FBXO8: variants seen among roughly 807,000 people sequenced by gnomAD.
FBXO8 encodes the protein F-box only protein 8.
A neutral mutation model predicts 33.4 loss-of-function variants in FBXO8; 15 were observed. That is an observed-to-expected ratio of 0.45 (90% CI 0.30 to 0.69). The LOEUF is 0.69. FBXO8 is among the 30% of genes least tolerant of loss of function. The pLI, the probability that FBXO8 is intolerant of heterozygous loss-of-function variation, is 0.08. For missense variants in FBXO8, 274 were observed against 380.3 expected (o/e 0.72, Z 2.32); for synonymous variants, 132 against 131.5 (o/e 1.00, Z -0.02).
In FBXO8 at chr4:174,262,536, T is replaced by A. The variant is rs1736586430; in HGVS notation, c.329+228A>T. 6.6e-6 allele frequency among the ~76,000 whole-genome samples: 1 copy of A among 152,200 alleles called. No individual in the cohort carries two copies. Among genetic ancestry groups the A allele is most frequent in the Admixed American group, 6.5e-5 (1 of 15,282 alleles). ...AACTGACAGAGCCTGATTGGTAACCTCTCTTCTAACTGTAAAGTTATTATT... is the reference window on the plus strand; with the variant it reads ...AACTGACAGAGCCTGATTGGTAACCACTCTTCTAACTGTAAAGTTATTATT... On this transcript the variant is annotated intron_variant, in intron 2 of 5. Coordinates refer to ENST00000393674, the MANE Select transcript of FBXO8 (RefSeq NM_012180.3). The surrounding 1 kb of genome is among the most constrained non-coding windows in gnomAD (Gnocchi z 4.6).
intron 3 of FBXO8, among the ~76,000 whole-genome samples, chr4:174,250,686 T>A (rs1736265334): frequency 6.6e-6 from 1 of 152,162 alleles, no homozygotes; most frequent in Admixed American, 6.6e-5. Context: ...GTTTCCTTCA[T>A]ACTCCCATAT....
At chr4:174,268,764 A>C (rs80307028) in intron 1 of FBXO8, among the ~76,000 whole-genome samples, 4,107 of 152,278 alleles carry the variant, frequency 0.027, 205 homozygotes, top group African/African-American at 0.091. Context: ...TAAAATCACC[A>C]AGAAAAAGCA....
At chr4:174,266,825 T>C (rs1351683103) in intron 1 of FBXO8, among the ~76,000 whole-genome samples, 1 of 152,228 alleles carries the variant, frequency 6.6e-6, no homozygotes, top group Non-Finnish European at 1.5e-5. Flanking sequence ...AGTAAGATAA[T>C]GTACATAAAG....
Position 174,259,638 on chromosome 4 carries a change from A to G in FBXO8, c.456+61T>C. On this transcript the variant is annotated intron_variant, in intron 3 of 5. Coordinates refer to ENST00000393674, the MANE Select transcript of FBXO8 (RefSeq NM_012180.3). The surrounding 1 kb of genome is among the most constrained non-coding windows in gnomAD (Gnocchi z 4.3). The stretch of plus-strand genomic sequence containing the variant: ...TTTCCCTGCTAGTTTATGATATTGG[A>G]AAGCTGCAGCAAGATAGTAATAAAG... The G allele has an allele frequency of 6.4e-7, 1 of 1,558,312 alleles. No homozygotes were observed. Among genetic ancestry groups the G allele is most frequent in the Non-Finnish European group, 8.6e-7 (1 of 1,159,526 alleles).
At chr4:174,266,094 C>T (rs1158911509) in intron 1 of FBXO8, among the ~76,000 whole-genome samples, 1 of 152,130 alleles carries the variant, frequency 6.6e-6, no homozygotes, top group African/African-American at 2.4e-5. Context: ...GCTGTTGCTA[C>T]TCTTAGGCCT....
chr4:174,254,247 T>C lies in FBXO8; in HGVS notation c.456+5452A>G, dbSNP rs749553692. Among the ~76,000 whole-genome samples the C allele has an allele frequency of 6.6e-6, 1 of 152,188 alleles. No homozygotes were observed. The highest frequency in any genetic ancestry group is 1.5e-5 in the Non-Finnish European group (1 of 68,022). ...AATTTCGAGTTTATCTTTCTCTTTC[T>C]TTATGCTATCTGGCATTGTTTGAAG... On this transcript the variant is annotated intron_variant, in intron 3 of 5. Transcript: ENST00000393674. The surrounding 1 kb of genome is among the most constrained non-coding windows in gnomAD (Gnocchi z 4.2).
chr4:174,279,625 C>T (rs1408292062), intron 1 of FBXO8, among the ~76,000 whole-genome samples: 1 of 152,016 alleles, frequency 6.6e-6, no homozygotes, highest in Admixed American at 6.5e-5. Flanking sequence ...GTAACCAAAA[C>T]AGTATGGTAT....
At chr4:174,282,823 TG>T (rs1287766138) in intron 1 of FBXO8, among the ~76,000 whole-genome samples, 2 of 152,200 alleles carry the variant, frequency 1.3e-5, no homozygotes, top group African/African-American at 4.8e-5. Flanking sequence ...ATTAAATGAC[TG>T]AGGATTGGGA....
Position 174,239,126 on chromosome 4 carries a change from G to A in FBXO8, c.640C>T (p.Leu214=). ...NFRNQFLPNA[L]REFFRHIHAP... is the part of the protein sequence containing the mutation. ...TGGATATGACGAAAAAATTCTCTCA[G>A]TGCATTTGGCAAGAACTGATTTCTA... The change falls in exon 5 of 6, where the codon CTG becomes TTG. Residue 214 remains leucine (L), a synonymous_variant. Transcript: ENST00000393674. 6.2e-7 allele frequency: 1 copy of A among 1,601,306 alleles called. No homozygotes were observed. Among genetic ancestry groups the A allele is most frequent in the South Asian group, 1.1e-5 (1 of 89,324 alleles).
Position 174,257,665 on chromosome 4 carries a change from A to G in FBXO8, c.456+2034T>C, listed in dbSNP as rs959976464. On this transcript the variant is annotated intron_variant, in intron 3 of 5. Coordinates refer to ENST00000393674, the MANE Select transcript of FBXO8 (RefSeq NM_012180.3). This position sits in a 1 kb window ranked among gnomAD's most constrained non-coding sequence, Gnocchi z 4.3. Reference sequence around the variant, plus strand: ...AGACTGATGCAAAATATATATCTTTATTGTGACTATTATTAAGATCATTGA... The same window carrying G: ...AGACTGATGCAAAATATATATCTTTGTTGTGACTATTATTAAGATCATTGA... Among the ~76,000 whole-genome samples the G allele has an allele frequency of 3.3e-5, 5 of 152,096 alleles. No individual in the cohort carries two copies. Among genetic ancestry groups the G allele is most frequent in the African/African-American group, 1.2e-4 (5 of 41,402 alleles).
At position 174,241,210 on chromosome 4, in the gene FBXO8, G is replaced by A; in HGVS notation, c.465C>T (p.Asn155=). The change falls in exon 4 of 6, where the codon AAC becomes AAT. Residue 155 remains asparagine, a synonymous_variant. Transcript: ENST00000393674. The surrounding 1 kb of genome is among the most constrained non-coding windows in gnomAD (Gnocchi z 4.2). ...CCAGGATACCCTTGGACATAAAGTA[G>A]TTCACTCCCTAAGGCAGAAAGACAA... ...TFNANPDEGV[N]YFMSKGILDD... 3.1e-6 allele frequency: 5 copies of A among 1,594,168 alleles called. No individual in the cohort carries two copies. Among genetic ancestry groups the A allele is most frequent in the Non-Finnish European group, 4.3e-6 (5 of 1,165,328 alleles).
chr4:174,263,089 C>G lies in FBXO8; in HGVS notation c.4G>C (p.Gly2Arg). The change falls in exon 2 of 6, where the codon GGT (glycine) becomes CGT (arginine). Residue 2 changes from glycine (G) to arginine (R), a missense_variant. Transcript: ENST00000393674. This position sits in a 1 kb window ranked among gnomAD's most constrained non-coding sequence, Gnocchi z 4.2. ...CTGACCACTCTCCACAACCCTTGAC[C>G]CATCTGCAAGCCTGGGAAAAAGCCA... MGQGLWRVVRNQ... is the reference protein window; with the variant it reads MRQGLWRVVRNQ... 2.5e-6 allele frequency: 4 copies of G among 1,611,102 alleles called. No homozygotes were observed. Among genetic ancestry groups the G allele is most frequent in the Non-Finnish European group, 1.7e-6 (2 of 1,177,680 alleles).
Position 174,258,588 on chromosome 4 carries a change from C to T in FBXO8, c.456+1111G>A, listed in dbSNP as rs111850933. The stretch of plus-strand genomic sequence containing the variant: ...ACAATATATATACTTTGTTATATTT[C>T]TGGAGATATGACTTAACTGGTAAGA... On this transcript the variant is annotated intron_variant, in intron 3 of 5. Coordinates refer to ENST00000393674, the MANE Select transcript of FBXO8 (RefSeq NM_012180.3). 2.1e-3 allele frequency among the ~76,000 whole-genome samples: 318 copies of T among 152,066 alleles called. 1 individual carries two copies. In the Middle Eastern group the frequency reaches 0.024, roughly 11 times the overall value.
rs1384106680 is a variant in FBXO8 at position 174,272,721 on chromosome 4, T to A, written c.-8-9621A>T. Among the ~76,000 whole-genome samples the A allele has an allele frequency of 6.6e-6, 1 of 152,208 alleles. No homozygotes were observed. Among genetic ancestry groups the A allele is most frequent in the Non-Finnish European group, 1.5e-5 (1 of 68,032 alleles). ...CAATGGATGTTGTTGAATCTGGAGT[T>A]TGACAAAGAATGGAATACTTACAGA... On this transcript the variant is annotated intron_variant, in intron 1 of 5. Transcript: ENST00000393674. This position sits in a 1 kb window ranked among gnomAD's most constrained non-coding sequence, Gnocchi z 4.7.
rs995268430 is a variant in FBXO8 at position 174,257,299 on chromosome 4, T to C, written c.456+2400A>G. 6.6e-6 allele frequency among the ~76,000 whole-genome samples: 1 copy of C among 152,178 alleles called. No individual in the cohort carries two copies. The highest frequency in any genetic ancestry group is 1.5e-5 in the Non-Finnish European group (1 of 68,018). ...GTAAAAATGATTGCTTTATAATTTG[T>C]TTAAAAATTGGCATTCCTTTAGCAA... On this transcript the variant is annotated intron_variant, in intron 3 of 5. Coordinates refer to ENST00000393674, the MANE Select transcript of FBXO8 (RefSeq NM_012180.3). This position sits in a 1 kb window ranked among gnomAD's most constrained non-coding sequence, Gnocchi z 4.3.
chr4:174,237,295 G>T lies in FBXO8; in HGVS notation c.*117C>A. ...GCAAAAGAAAAAAAGGTTGCACACT[G>T]AAGCTTGATTGTATACTCAGGCTAC... On this transcript the variant is annotated 3_prime_UTR_variant, in exon 6 of 6. Transcript: ENST00000393674. The surrounding 1 kb of genome is among the most constrained non-coding windows in gnomAD (Gnocchi z 4.4). 1.3e-6 allele frequency: 1 copy of T among 771,318 alleles called. No individual in the cohort carries two copies. The highest frequency in any genetic ancestry group is 2.0e-6 in the Non-Finnish European group (1 of 501,270). 47.8% of individuals were successfully genotyped at this position (771,318 alleles called of 1,614,324 possible).
At chr4:174,268,686 T>A (rs1311823497) in intron 1 of FBXO8, among the ~76,000 whole-genome samples, 1 of 152,202 alleles carries the variant, frequency 6.6e-6, no homozygotes, top group Non-Finnish European at 1.5e-5. Context: ...TCCGCCCGCC[T>A]TGGCCTCCCA....
chr4:174,268,648 G>A (rs1417141175), intron 1 of FBXO8, among the ~76,000 whole-genome samples: 1 of 152,124 alleles, frequency 6.6e-6, no homozygotes, highest in African/African-American at 2.4e-5. Context: ...GTGTTAGCCA[G>A]GATGGTCTCC....
intron 1 of FBXO8, among the ~76,000 whole-genome samples, chr4:174,273,257 A>G (rs1340224026): frequency 6.6e-6 from 1 of 151,526 alleles, no homozygotes; most frequent in Admixed American, 6.6e-5. Context: ...ACTGCACTCC[A>G]ACCTGAGTGA....
Sources: allele counts gnomAD v4.1 joint callset (sites outside exome capture counted in the v4.1 genomes callset), GRCh38; gene constraint gnomAD v4.1.1; non-coding constraint Gnocchi (gnomAD v3.1); transcripts MANE v1.5; gene names NCBI Gene and HGNC (gene_info 2026-07-23, HGNC 2026-07-21).